Variants in CREB3L2 observed in about 807,000 individuals in gnomAD.
CREB3L2 encodes the protein cyclic AMP-responsive element-binding protein 3-like protein 2.
Under a neutral mutation model 57.2 loss-of-function variants are expected in CREB3L2, and 23 were observed. The ratio of observed to expected loss-of-function variants is 0.40; its 90% confidence interval spans 0.29 to 0.57. The LOEUF (loss-of-function observed/expected upper bound fraction) is 0.57, where lower values mean the gene tolerates loss of function less well. CREB3L2 is among the 20% of genes least tolerant of loss of function. The pLI is 0.42. For missense variants in CREB3L2, 628 were observed against 634.7 expected (o/e 0.99, Z 0.11); for synonymous variants, 268 against 265.1 (o/e 1.01, Z -0.11).
At chr7:137,890,569 C>T (rs1799510897) in intron 8 of CREB3L2, among the ~76,000 whole-genome samples, 1 of 152,228 alleles carries the variant, frequency 6.6e-6, no homozygotes, top group African/African-American at 2.4e-5. Flanking sequence ...CCCTTGACCA[C>T]ATCAGCTCAT....
intron 1 of CREB3L2, chr7:137,999,534 T>C (rs1319453507): frequency 6.6e-6 from 1 of 152,164 alleles, no homozygotes; most frequent in Non-Finnish European, 1.5e-5. Flanking sequence ...TCTGACTGAA[T>C]GAATAATCAG....
chr7:137,890,039 T>G (rs563068534), intron 8 of CREB3L2, among the ~76,000 whole-genome samples: 52 of 152,288 alleles, frequency 3.4e-4, no homozygotes, highest in African/African-American at 1.1e-3. Context: ...TTAAGTAGAT[T>G]TTTCTTAACT....
intron 1 of CREB3L2, among the ~76,000 whole-genome samples, chr7:138,000,921 C>T (rs1264857293): frequency 1.3e-5 from 2 of 152,146 alleles, no homozygotes; most frequent in Non-Finnish European, 2.9e-5. Flanking sequence ...GGTGAGCTGT[C>T]CCACCTTCCC....
chr7:137,909,237 G>A (rs190665813), intron 4 of CREB3L2, among the ~76,000 whole-genome samples: 1 of 152,330 alleles, frequency 6.6e-6, no homozygotes. Context: ...AGTGAGCACA[G>A]GAAAAATAAG....
At chr7:138,000,558 G>T (rs1363680436) in intron 1 of CREB3L2, among the ~76,000 whole-genome samples, 1 of 152,044 alleles carries the variant, frequency 6.6e-6, no homozygotes, top group Non-Finnish European at 1.5e-5. Flanking sequence ...AGAGTCAAAG[G>T]CCAAAGAGGT....
At chr7:137,918,165 C>G (rs1038481463) in intron 2 of CREB3L2, among the ~76,000 whole-genome samples, 1 of 151,200 alleles carries the variant, frequency 6.6e-6, no homozygotes, top group Non-Finnish European at 1.5e-5. Flanking sequence ...CCCATTTTTT[C>G]CATTCGGCAA....
chr7:137,889,170 C>G (rs1421623545), intron 8 of CREB3L2, among the ~76,000 whole-genome samples: 12 of 152,130 alleles, frequency 7.9e-5, no homozygotes, highest in Admixed American at 7.9e-4. Context: ...TACCCCTTCC[C>G]CTAGGATGAA....
intron 2 of CREB3L2, among the ~76,000 whole-genome samples, chr7:137,922,348 G>A (rs1453996952): frequency 7.3e-6 from 1 of 137,680 alleles, no homozygotes; most frequent in Non-Finnish European, 1.5e-5. Flanking sequence ...ATTGGGACCT[G>A]TATCAGATAC....
chr7:137,971,191 C>T (rs1801499322), intron 1 of CREB3L2, among the ~76,000 whole-genome samples: 1 of 152,136 alleles, frequency 6.6e-6, no homozygotes, highest in South Asian at 2.1e-4. Context: ...TGGCTCACGC[C>T]TGTAATCCCA....
intron 1 of CREB3L2, chr7:137,936,058 G>T: frequency 2.7e-6 from 1 of 372,836 alleles, no homozygotes; most frequent in Non-Finnish European, 3.7e-6. Flanking sequence ...TAATTCTTTA[G>T]TTCAAATAAC....
At chr7:137,896,985 A>G (rs1160726427) in intron 8 of CREB3L2, among the ~76,000 whole-genome samples, 1 of 152,242 alleles carries the variant, frequency 6.6e-6, no homozygotes, top group Non-Finnish European at 1.5e-5. Flanking sequence ...GTCAAAGAAT[A>G]CAAACTTTCA....
chr7:137,879,000 A>C lies in CREB3L2; in HGVS notation c.*1476T>G. On this transcript the variant is annotated 3_prime_UTR_variant, in exon 12 of 12. Coordinates refer to ENST00000330387, the MANE Select transcript of CREB3L2 (RefSeq NM_194071.4). ...AAAACCAAAGGCATTTCAGCTGCTA[A>C]TAAAAATAAAATACAAACTCTATGC... is the stretch of plus-strand genomic sequence containing the variant. 2.4e-6 allele frequency: 1 copy of C among 416,360 alleles called. No homozygotes were observed. Among genetic ancestry groups the C allele is most frequent in the Non-Finnish European group, 4.5e-6 (1 of 221,656 alleles). 25.8% of individuals were successfully genotyped at this position (416,360 alleles called of 1,614,324 possible).
chr7:137,902,267 A>G (rs1253975690), intron 7 of CREB3L2, among the ~76,000 whole-genome samples: 2 of 151,856 alleles, frequency 1.3e-5, no homozygotes, highest in Non-Finnish European at 2.9e-5. Context: ...TGACAGTACA[A>G]AATATGACCC....
At chr7:137,938,146 A>G (rs1800823046) in intron 1 of CREB3L2, among the ~76,000 whole-genome samples, 2 of 152,166 alleles carry the variant, frequency 1.3e-5, no homozygotes, top group South Asian at 2.1e-4. Flanking sequence ...ACGACACAAG[A>G]GTGAACCCTA....
rs1457213272 is a variant in CREB3L2, at chr7:137,878,223, C to A, written c.*2253G>T. Reference sequence around the variant, plus strand: ...AAGTTTCCTTTATCTTCTCCCTCCTCATTTAGAAGAGCACGTTTCCTACTC... The same window carrying A: ...AAGTTTCCTTTATCTTCTCCCTCCTAATTTAGAAGAGCACGTTTCCTACTC... On this transcript the variant is annotated 3_prime_UTR_variant, in exon 12 of 12. Coordinates refer to ENST00000330387, the MANE Select transcript of CREB3L2 (RefSeq NM_194071.4). 4.3e-6 allele frequency: 1 copy of A among 232,250 alleles called. No homozygotes were observed. Among genetic ancestry groups the A allele is most frequent in the East Asian group, 6.1e-5 (1 of 16,460 alleles). The allele number at this position is 232,250 out of a possible 1,614,324, so 14.4% of individuals were successfully genotyped here. A position where few individuals can be genotyped will look rare whatever the true frequency, so the allele number is the denominator to read the frequency against.
At position 137,982,623 on chromosome 7, in the gene CREB3L2, T is replaced by A. The variant is rs10238610; in HGVS notation, c.102+18981A>T. On this transcript the variant is annotated intron_variant, in intron 1 of 11. Coordinates refer to ENST00000330387, the MANE Select transcript of CREB3L2 (RefSeq NM_194071.4). Reference sequence around the variant, plus strand: ...CTCTCTTGCTTGCCACCATGTAAGATGTGCCTTTCACCTTCCACCAAGATT... The same window carrying A: ...CTCTCTTGCTTGCCACCATGTAAGAAGTGCCTTTCACCTTCCACCAAGATT... 4.6e-3 allele frequency among the ~76,000 whole-genome samples: 699 copies of A among 152,330 alleles called. 7 individuals are homozygous for A. Among genetic ancestry groups the A allele is most frequent in the East Asian group, 0.023 (119 of 5,184 alleles).
chr7:137,946,761 ATAGTT>A (rs200563706), intron 1 of CREB3L2, among the ~76,000 whole-genome samples: 18 of 66,440 alleles, frequency 2.7e-4, no homozygotes, highest in African/African-American at 8.1e-4. Flanking sequence ...AGTTATCTAT[ATAGTT>A]TAGTTATCTA....
chr7:137,904,120 C>T, intron 6 of CREB3L2, 103 bp from the exon 7 acceptor site: 1 of 907,478 alleles, frequency 1.1e-6, no homozygotes, highest in South Asian at 1.4e-5. Flanking sequence ...GCCCTGCTTA[C>T]TTCTGCAAGC....
chr7:137,968,854 C>T (rs771208504), intron 1 of CREB3L2, among the ~76,000 whole-genome samples: 3 of 152,144 alleles, frequency 2.0e-5, no homozygotes, highest in Non-Finnish European at 2.9e-5. Flanking sequence ...CTTCCAATTA[C>T]AGCACATAAG....
Sources: allele counts gnomAD v4.1 joint callset (sites outside exome capture counted in the v4.1 genomes callset), GRCh38; gene constraint gnomAD v4.1.1; transcripts MANE v1.5; gene names NCBI Gene and HGNC (gene_info 2026-07-23, HGNC 2026-07-21).